Variants in CACNB4 observed in about 807,000 individuals in gnomAD.
CACNB4 encodes voltage-dependent L-type calcium channel subunit beta-4.
In CACNB4, 32 loss-of-function variants were observed where a neutral mutation model predicts 71.2. The ratio of observed to expected loss-of-function variants is 0.45; its 90% CI spans 0.34 to 0.60. CACNB4 has a LOEUF of 0.60. CACNB4 is among the 20% of genes least tolerant of loss of function. CACNB4 has a pLI of 0.01. For synonymous variants in CACNB4, 231 were observed against 236.9 expected, an observed-to-expected ratio of 0.97 and a Z score of 0.23; for missense variants, 464 against 647.9, an observed-to-expected ratio of 0.72 and a Z score of 3.08.
intron 2 of CACNB4, among the ~76,000 whole-genome samples, chr2:152,058,894 G>C (rs1685861785): frequency 6.6e-6 from 1 of 152,242 alleles, no homozygotes; most frequent in Non-Finnish European, 1.5e-5. Context: ...GCTGTATGTA[G>C]CCTCTTGGTG....
At chr2:151,956,988 A>T (rs1407777329) in intron 2 of CACNB4, among the ~76,000 whole-genome samples, 1 of 152,184 alleles carries the variant, frequency 6.6e-6, no homozygotes, top group East Asian at 1.9e-4. Flanking sequence ...TCTATTAAAA[A>T]TACAAAAATT....
chr2:151,958,835 A>C (rs1008560981), intron 2 of CACNB4, among the ~76,000 whole-genome samples: 1 of 152,216 alleles, frequency 6.6e-6, no homozygotes, highest in Non-Finnish European at 1.5e-5. Context: ...AAAATCTGTG[A>C]ACGGCTCCCA....
intron 2 of CACNB4, among the ~76,000 whole-genome samples, chr2:151,995,021 C>A (rs555248788): frequency 6.6e-6 from 1 of 152,202 alleles, no homozygotes; most frequent in African/African-American, 2.4e-5. Flanking sequence ...GCTGATCAAA[C>A]AAGGAATTAA....
chr2:151,971,506 G>A (rs773943530), intron 2 of CACNB4: 16 of 702,618 alleles, frequency 2.3e-5, no homozygotes, highest in South Asian at 1.8e-4. Context: ...GACCTGTTCC[G>A]AGAGCTCTGC....
intron 2 of CACNB4, among the ~76,000 whole-genome samples, chr2:152,030,501 G>A (rs1346322402): frequency 1.3e-5 from 2 of 152,140 alleles, no homozygotes; most frequent in Non-Finnish European, 2.9e-5. Context: ...GGGTACATGT[G>A]CACAACGTGC....
chr2:152,025,367 C>T (rs1368085352), intron 2 of CACNB4, among the ~76,000 whole-genome samples: 1 of 152,190 alleles, frequency 6.6e-6, no homozygotes, highest in Admixed American at 6.5e-5. Context: ...GGAATGAGAA[C>T]CAAGAAAGAC....
Position 151,853,477 on chromosome 2 carries a change from C to A in CACNB4, c.1087G>T (p.Ala363Ser), listed in dbSNP as rs1354061840. 6.3e-7 allele frequency: 1 copy of A among 1,597,718 alleles called. No homozygotes were observed. Among genetic ancestry groups the A allele is most frequent in the Non-Finnish European group, 8.5e-7 (1 of 1,172,672 alleles). The change falls in exon 12 of 14, where the codon GCA becomes TCA. Residue 363 changes from alanine to serine, a missense_variant. This residue lies in a region of CACNB4 where 299 missense variants were observed against 471.7 expected (regional missense o/e 0.63). Transcript: ENST00000539935. ...QSKHLNVQLVAADKLAQCPPE... is the reference protein window; with the variant it reads ...QSKHLNVQLVSADKLAQCPPE... Reference sequence around the variant, plus strand: ...GGGCATTGTGCAAGTTTATCAGCTGCCACCAGTTGAACATTCAAGTGTTTA... The same window carrying A: ...GGGCATTGTGCAAGTTTATCAGCTGACACCAGTTGAACATTCAAGTGTTTA...
chr2:152,044,167 A>C (rs1685017428), intron 2 of CACNB4, among the ~76,000 whole-genome samples: 1 of 152,218 alleles, frequency 6.6e-6, no homozygotes, highest in Non-Finnish European at 1.5e-5. Context: ...AGAATATCTA[A>C]GATTACATCA....
intron 12 of CACNB4, among the ~76,000 whole-genome samples, chr2:151,848,291 T>C (rs931451497): frequency 7.9e-5 from 12 of 152,216 alleles, no homozygotes; most frequent in African/African-American, 2.9e-4. Context: ...TTGGATCCCA[T>C]GTGGTCTTAT....
At chr2:152,012,881 C>G (rs750141885) in intron 2 of CACNB4, among the ~76,000 whole-genome samples, 1 of 150,676 alleles carries the variant, frequency 6.6e-6, no homozygotes, top group Admixed American at 6.6e-5. Context: ...CTGGCATTCA[C>G]GTTCACTCAG....
At chr2:151,981,559 T>C (rs2099874720) in intron 2 of CACNB4, among the ~76,000 whole-genome samples, 1 of 152,126 alleles carries the variant, frequency 6.6e-6, no homozygotes, top group Non-Finnish European at 1.5e-5. Context: ...TGGTAGATAA[T>C]GGATAGATGG....
chr2:151,919,470 C>T (rs1056026975), intron 2 of CACNB4, among the ~76,000 whole-genome samples: 3 of 152,300 alleles, frequency 2.0e-5, no homozygotes, highest in East Asian at 1.9e-4. Context: ...ACAGCCATCA[C>T]CAGCCATGCT....
intron 2 of CACNB4, among the ~76,000 whole-genome samples, chr2:151,945,595 G>A (rs2099865347): frequency 6.6e-6 from 1 of 152,174 alleles, no homozygotes; most frequent in South Asian, 2.1e-4. Flanking sequence ...AGGCTCCAGT[G>A]AGCTGTGATT....
rs539975542 is a variant in CACNB4 at position 152,062,350 on chromosome 2, G to A, written c.147+35980C>T. On this transcript the variant is annotated intron_variant, in intron 2 of 13. Transcript: ENST00000539935. ...CCAGTCACACCACTGAGTTGACACC[G>A]CCATTGAGTTGAGACCAACACTTCA... 2.0e-3 allele frequency among the ~76,000 whole-genome samples: 311 copies of A among 152,188 alleles called. 3 individuals carry two copies. Among genetic ancestry groups the A allele is most frequent in the Middle Eastern group, 0.017 (5 of 294 alleles).
intron 2 of CACNB4, among the ~76,000 whole-genome samples, chr2:152,029,881 C>A (rs1684186072): frequency 6.6e-6 from 1 of 152,236 alleles, no homozygotes; most frequent in African/African-American, 2.4e-5. Context: ...ACACCTTGAT[C>A]TCGGACTTCC....
chr2:151,907,584 T>G (rs2099855126), intron 2 of CACNB4, among the ~76,000 whole-genome samples: 1 of 152,246 alleles, frequency 6.6e-6, no homozygotes, highest in East Asian at 1.9e-4. Flanking sequence ...TTCACTGGTT[T>G]TCTACTAATG....
At chr2:152,033,168 G>A (rs563890297) in intron 2 of CACNB4, among the ~76,000 whole-genome samples, 3 of 152,216 alleles carry the variant, frequency 2.0e-5, no homozygotes, top group Non-Finnish European at 4.4e-5. Context: ...AGACCCAGGC[G>A]GCTGGTTAAA....
intron 2 of CACNB4, among the ~76,000 whole-genome samples, chr2:151,955,245 T>G (rs2099867948): frequency 1.3e-5 from 2 of 152,216 alleles, no homozygotes; most frequent in South Asian, 4.1e-4. Context: ...CACTGGTTGG[T>G]GCAAACCATT....
chr2:151,941,142 A>G (rs1166426015), intron 2 of CACNB4, among the ~76,000 whole-genome samples: 2 of 152,206 alleles, frequency 1.3e-5, no homozygotes, highest in Non-Finnish European at 2.9e-5. Context: ...GTTACTATCT[A>G]GTCACAGCAT....
Sources: gnomAD v4.1 joint callset for allele counts (sites outside exome capture counted in the v4.1 genomes callset) on GRCh38, gnomAD v4.1.1 for gene constraint, gnomAD v4.1.1 regional missense constraint, MANE v1.5 for transcripts, NCBI Gene and HGNC (gene_info 2026-07-23, HGNC 2026-07-21) for gene names.